The following NLK variants were observed in gnomAD, a reference collection of about 807,000 sequenced individuals.
The protein encoded by NLK is nemo like kinase.
In NLK, 11 loss-of-function variants were observed where a neutral mutation model predicts 59.0. The observed-to-expected ratio is 0.19, with a 90% CI of 0.12 to 0.31. The LOEUF is 0.31. Ranked by LOEUF, NLK falls within the 10% of genes least tolerant of loss-of-function variation. NLK has a pLI of 1.00. For missense variants in NLK, 410 were observed against 661.1 expected, an observed-to-expected ratio of 0.62 and a Z score of 4.16; for synonymous variants, 235 against 235.9, an observed-to-expected ratio of 1.00 and a Z score of 0.03.
intron 1 of NLK, among the ~76,000 whole-genome samples, chr17:28,110,883 C>G (rs867947116): frequency 5.4e-4 from 81 of 151,218 alleles, no homozygotes; most frequent in African/African-American, 1.4e-3. Context: ...CTCGCTCTGT[C>G]GCCCAGGCTG....
intron 8 of NLK, among the ~76,000 whole-genome samples, chr17:28,186,568 A>G (rs949810928): frequency 6.6e-5 from 10 of 152,224 alleles, no homozygotes; most frequent in Admixed American, 2.0e-4. Flanking sequence ...AAAGTTCCAC[A>G]TGGCTGGGGA....
At chr17:28,141,949 T>G (rs1282322625) in intron 3 of NLK, among the ~76,000 whole-genome samples, 1 of 152,170 alleles carries the variant, frequency 6.6e-6, no homozygotes, top group East Asian at 1.9e-4. Context: ...ACATATGCAT[T>G]TGCTTTGGAG....
At chr17:28,099,286 A>G (rs530932357) in intron 1 of NLK, among the ~76,000 whole-genome samples, 1 of 152,234 alleles carries the variant, frequency 6.6e-6, no homozygotes, top group East Asian at 1.9e-4. Context: ...TTGTTTACAT[A>G]CAACAAAATT....
At chr17:28,179,763 C>T (rs1474020294) in intron 7 of NLK, among the ~76,000 whole-genome samples, 1 of 151,432 alleles carries the variant, frequency 6.6e-6, no homozygotes, top group Non-Finnish European at 1.5e-5. Context: ...GTTGCCTAGT[C>T]TCAACTTCCT....
chr17:28,101,424 C>T (rs1904898155), intron 1 of NLK, among the ~76,000 whole-genome samples: 1 of 152,142 alleles, frequency 6.6e-6, no homozygotes, highest in Admixed American at 6.6e-5. Context: ...TGGTATATTT[C>T]TCTTTATTTA....
At chr17:28,197,772 T>A (rs1022607391), downstream of NLK, among the ~76,000 whole-genome samples, 17 of 152,128 alleles carry the variant, frequency 1.1e-4, 1 homozygote, top group Admixed American at 1.1e-3. Flanking sequence ...AATATTACTT[T>A]ATATTAAAAT....
chr17:28,097,649 C>T lies in NLK; in HGVS notation c.459-24954C>T, dbSNP rs144885017. 6.6e-3 allele frequency among the ~76,000 whole-genome samples: 998 copies of T among 152,052 alleles called. 17 individuals carry two copies. The highest frequency in any genetic ancestry group is 0.022 in the African/African-American group (932 of 41,488). On this transcript the variant is annotated intron_variant, in intron 1 of 10. Transcript: ENST00000407008. ...TAATTTAAAGTATATTGCTTTTTTT[C>T]TGTTTGAAATTACCTATAGTTGTTA...
chr17:28,183,036 C>T (rs1908973909), intron 7 of NLK, among the ~76,000 whole-genome samples: 1 of 152,170 alleles, frequency 6.6e-6, no homozygotes, highest in African/African-American at 2.4e-5. Context: ...TTATAGGGAA[C>T]CCCTGAAGAA....
intron 1 of NLK, among the ~76,000 whole-genome samples, chr17:28,080,112 G>C (rs1371672431): frequency 6.6e-6 from 1 of 152,110 alleles, no homozygotes; most frequent in Non-Finnish European, 1.5e-5. Flanking sequence ...ATTATGTGCA[G>C]TATTTTGTGC....
chr17:28,083,269 T>G (rs1215805751), intron 1 of NLK, among the ~76,000 whole-genome samples: 1 of 152,190 alleles, frequency 6.6e-6, no homozygotes, highest in East Asian at 1.9e-4. Context: ...TGTAGGTGAT[T>G]GATAAATATT....
intron 3 of NLK, among the ~76,000 whole-genome samples, chr17:28,145,956 T>A (rs1907229188): frequency 6.6e-6 from 1 of 152,188 alleles, no homozygotes; most frequent in Admixed American, 6.5e-5. Flanking sequence ...TCCACCCACC[T>A]CAGCCTCCCA....
At chr17:28,071,269 T>A (rs972780587) in intron 1 of NLK, among the ~76,000 whole-genome samples, 3 of 152,270 alleles carry the variant, frequency 2.0e-5, no homozygotes, top group African/African-American at 7.2e-5. Context: ...TTATTTTGGC[T>A]ACTCTAGAAG....
the NLK span, among the ~76,000 whole-genome samples, chr17:28,201,989 C>G: frequency 9.9e-5 from 15 of 151,994 alleles, no homozygotes; most frequent in Admixed American, 5.9e-4. Context: ...GCACTCTGGC[C>G]TCGGTGACAG....
At chr17:28,102,034 T>C (rs969126702) in intron 1 of NLK, among the ~76,000 whole-genome samples, 1 of 152,244 alleles carries the variant, frequency 6.6e-6, no homozygotes, top group African/African-American at 2.4e-5. Context: ...GTATCACTTA[T>C]AGACAGCATA....
intron 6 of NLK, among the ~76,000 whole-genome samples, chr17:28,169,034 C>T (rs1450094508): frequency 6.6e-6 from 1 of 151,888 alleles, no homozygotes; most frequent in Admixed American, 6.6e-5. Flanking sequence ...TACAGGCACG[C>T]TCCACCACAC....
At position 28,161,188 on chromosome 17, in the gene NLK, GACCTACATAAAATTATC is replaced by G; in HGVS notation, c.674_690del (p.Asp225GlyfsTer36). On this transcript the variant is annotated frameshift_variant, in exon 4 of 11. Transcript: ENST00000407008. LOFTEE classifies it high-confidence loss of function. ...TGTTGTCACAGAATTGATGCAGAGT[GACCTACATAAAATTATC>G]GTCTCTCCTCAACCACTCAGCTCAG... The G allele has an allele frequency of 6.2e-7, 1 of 1,607,850 alleles. No individual in the cohort carries two copies. The highest frequency in any genetic ancestry group is 1.7e-5 in the Admixed American group (1 of 59,994).
chr17:28,054,818 C>T (rs970811476), intron 1 of NLK, among the ~76,000 whole-genome samples: 1 of 152,294 alleles, frequency 6.6e-6, no homozygotes, highest in South Asian at 2.1e-4. Flanking sequence ...GTTACTCCAG[C>T]ATTTGGGAGG....
chr17:28,171,662 T>C (rs1216477374), intron 6 of NLK, among the ~76,000 whole-genome samples: 2 of 152,198 alleles, frequency 1.3e-5, no homozygotes, highest in Admixed American at 6.5e-5. Flanking sequence ...TTTTCAGTAT[T>C]TATTAAATCA....
chr17:28,090,464 TTACTTCCTTTATGAC>T (rs1318360977), intron 1 of NLK, among the ~76,000 whole-genome samples: 1 of 152,222 alleles, frequency 6.6e-6, no homozygotes, highest in Admixed American at 6.5e-5. Flanking sequence ...GTTAGTCATT[TTACTTCCTTTATGAC>T]TACTTATAGT....
Sources: gnomAD v4.1 joint callset for allele counts (sites outside exome capture counted in the v4.1 genomes callset) on GRCh38, gnomAD v4.1.1 for gene constraint, MANE v1.5 for transcripts, NCBI Gene and HGNC (gene_info 2026-07-23, HGNC 2026-07-21) for gene names.